NPAS3: variants seen among roughly 807,000 people sequenced by gnomAD.
NPAS3 encodes neuronal PAS domain-containing protein 3.
Under a neutral mutation model 73.1 loss-of-function variants are expected in NPAS3, and 14 were observed. That is an observed-to-expected ratio of 0.19 (90% confidence interval 0.13 to 0.30). The LOEUF (loss-of-function observed/expected upper bound fraction) is 0.30. Ranked by LOEUF, NPAS3 falls within the 10% of genes least tolerant of loss-of-function variation. The probability of loss-of-function intolerance (pLI) is 1.00; values close to 1 mark genes in which losing one functional copy is unlikely to be tolerated. For missense variants in NPAS3, 1,096 were observed against 1,250.0 expected (o/e 0.88, Z 1.86); for synonymous variants, 620 against 541.5 (o/e 1.14, Z -2.01).
chr14:33,693,661 G>A (rs561128173), intron 6 of NPAS3, among the ~76,000 whole-genome samples: 1 of 152,230 alleles, frequency 6.6e-6, no homozygotes, highest in South Asian at 2.1e-4. Context: ...CACTCTGACA[G>A]CCAAGAAAAA....
chr14:33,383,682 C>T (rs1347791211), intron 4 of NPAS3, among the ~76,000 whole-genome samples: 2 of 152,162 alleles, frequency 1.3e-5, no homozygotes, highest in Non-Finnish European at 2.9e-5. Context: ...AAAGAGAGGA[C>T]AATTCCTTTT....
At chr14:33,523,489 A>G (rs2053652548) in intron 4 of NPAS3, among the ~76,000 whole-genome samples, 1 of 148,356 alleles carries the variant, frequency 6.7e-6, no homozygotes, top group African/African-American at 2.5e-5. Context: ...TGGGCCAGGC[A>G]TGGTGGCTCA....
At chr14:33,145,857 G>C (rs903402233) in intron 2 of NPAS3, among the ~76,000 whole-genome samples, 2 of 152,086 alleles carry the variant, frequency 1.3e-5, no homozygotes, top group South Asian at 2.1e-4. Flanking sequence ...GGTTTCCATG[G>C]AACTGGAAAT....
chr14:33,532,751 T>G (rs1323944926), intron 4 of NPAS3, among the ~76,000 whole-genome samples: 2 of 152,080 alleles, frequency 1.3e-5, no homozygotes, highest in Non-Finnish European at 2.9e-5. Context: ...CCTTTGAAAA[T>G]TCCTTTCCTG....
At chr14:33,426,915 T>C (rs2048577157) in intron 4 of NPAS3, among the ~76,000 whole-genome samples, 1 of 152,120 alleles carries the variant, frequency 6.6e-6, no homozygotes, top group African/African-American at 2.4e-5. Context: ...TAGGACTTTA[T>C]GCAGGAAAAT....
chr14:33,197,545 C>G (rs746921929), intron 2 of NPAS3, among the ~76,000 whole-genome samples: 36 of 151,840 alleles, frequency 2.4e-4, no homozygotes, highest in Non-Finnish European at 4.1e-4. Context: ...GAGAAGGCCA[C>G]AGATGCTCCT....
At chr14:33,062,053 A>C (rs988041925) in intron 2 of NPAS3, among the ~76,000 whole-genome samples, 2 of 151,670 alleles carry the variant, frequency 1.3e-5, no homozygotes, top group African/African-American at 4.9e-5. Flanking sequence ...GAGGCTGGAG[A>C]GGAAGGGAGA....
intron 2 of NPAS3, among the ~76,000 whole-genome samples, chr14:33,129,150 C>T (rs189225553): frequency 3.3e-5 from 5 of 152,182 alleles, no homozygotes; most frequent in Admixed American, 2.0e-4. Flanking sequence ...GCTCTGGGCT[C>T]CACTCACTGA....
chr14:33,608,084 T>C (rs1171363629), intron 5 of NPAS3, among the ~76,000 whole-genome samples: 1 of 152,206 alleles, frequency 6.6e-6, no homozygotes, highest in Non-Finnish European at 1.5e-5. Context: ...CATTTAATGG[T>C]TAACTCTGTT....
intron 2 of NPAS3, among the ~76,000 whole-genome samples, chr14:33,203,828 G>C (rs1427757126): frequency 1.3e-5 from 2 of 152,086 alleles, no homozygotes; most frequent in African/African-American, 4.8e-5. Context: ...AATCCTTTGG[G>C]TATATAACCA....
chr14:33,367,064 T>C, intron 3 of NPAS3, 122 bp from the exon 4 acceptor site: 1 of 478,976 alleles, frequency 2.1e-6, no homozygotes, highest in Non-Finnish European at 3.7e-6. Flanking sequence ...TACTGGGTGG[T>C]GGTTCAGATC....
chr14:33,401,812 C>G (rs577180184), intron 4 of NPAS3, among the ~76,000 whole-genome samples: 1 of 152,204 alleles, frequency 6.6e-6, no homozygotes, highest in African/African-American at 2.4e-5. Context: ...AACTGCCTAA[C>G]ACCCATCCAA....
chr14:33,639,166 C>A (rs983781863), intron 5 of NPAS3, among the ~76,000 whole-genome samples: 1 of 152,138 alleles, frequency 6.6e-6, no homozygotes, highest in Non-Finnish European at 1.5e-5. Flanking sequence ...TATTACCACT[C>A]TAGGTTTAAG....
At chr14:33,631,104 G>T (rs890290336) in intron 5 of NPAS3, among the ~76,000 whole-genome samples, 1 of 152,138 alleles carries the variant, frequency 6.6e-6, no homozygotes, top group African/African-American at 2.4e-5. Context: ...GTTGTCCCTG[G>T]ACCAATACAA....
At chr14:33,677,492 G>A (rs1038516291) in intron 6 of NPAS3, among the ~76,000 whole-genome samples, 4 of 151,930 alleles carry the variant, frequency 2.6e-5, no homozygotes, top group African/African-American at 9.7e-5. Context: ...TAATACAAAA[G>A]CATTTTATTA....
intron 2 of NPAS3, among the ~76,000 whole-genome samples, chr14:33,078,909 TTAAA>T (rs1175612888): frequency 2.6e-5 from 4 of 152,152 alleles, no homozygotes; most frequent in East Asian, 1.9e-4. Flanking sequence ...TTTTACAGAG[TTAAA>T]TAGATTTAAT....
At chr14:33,497,481 G>A (rs1017632869) in intron 4 of NPAS3, among the ~76,000 whole-genome samples, 11 of 152,204 alleles carry the variant, frequency 7.2e-5, no homozygotes, top group African/African-American at 2.6e-4. Flanking sequence ...AAACGGCATG[G>A]TACTGGTACC....
At chr14:33,004,241 TGTC>T (rs2038909818) in intron 1 of NPAS3, among the ~76,000 whole-genome samples, 1 of 152,182 alleles carries the variant, frequency 6.6e-6, no homozygotes, top group Non-Finnish European at 1.5e-5. Context: ...TAGGCTCCTT[TGTC>T]ATTGTGCAAA....
At chr14:33,421,514 G>A (rs767566671) in intron 4 of NPAS3, among the ~76,000 whole-genome samples, 2 of 150,666 alleles carry the variant, frequency 1.3e-5, no homozygotes, top group East Asian at 2.0e-4. Context: ...ACACAATTAA[G>A]TTCTAATCAT....
Sources: allele counts gnomAD v4.1 joint callset (sites outside exome capture counted in the v4.1 genomes callset), GRCh38; gene constraint gnomAD v4.1.1; transcripts MANE v1.5; gene names NCBI Gene and HGNC (gene_info 2026-07-23, HGNC 2026-07-21).